ARID4A: variants seen among roughly 807,000 people sequenced by gnomAD.
ARID4A encodes the protein AT-rich interaction domain 4A.
Under a neutral mutation model 148.6 loss-of-function variants are expected in ARID4A, and 39 were observed. The observed-to-expected ratio is 0.26, with a 90% confidence interval of 0.20 to 0.34. The LOEUF is 0.34. Among genes scored for constraint, ARID4A ranks in the 10% least tolerant of loss-of-function variants. The pLI, the probability that ARID4A is intolerant of heterozygous loss-of-function variation, is 1.00. For synonymous variants in ARID4A, 475 were observed against 481.2 expected, an observed-to-expected ratio of 0.99 and a Z score of 0.17; for missense variants, 1,265 against 1,449.1, an observed-to-expected ratio of 0.87 and a Z score of 2.06.
chr14:58,365,532 A>G lies in ARID4A; in HGVS notation c.3226A>G (p.Ser1076Gly), dbSNP rs1778296651. ...ESREKGQKRPSDGNSGLMAKK... is the reference protein window; with the variant it reads ...ESREKGQKRPGDGNSGLMAKK... ...CCTTATTTCAGGTCAGAAGAGGCCA[A>G]GTGATGGAAATAGTGGATTAATGGC... Residue 1076 changes from serine to glycine, a missense_variant, in exon 21 of 24, where the codon AGT becomes GGT. By Grantham distance (56) the Ser-to-Gly change is moderately conservative (BLOSUM62 0). Transcript: ENST00000355431. 6.3e-7 allele frequency: 1 copy of G among 1,583,232 alleles called. No individual in the cohort carries two copies. The highest frequency in any genetic ancestry group is 8.6e-7 in the Non-Finnish European group (1 of 1,163,252).
At chr14:58,331,081 A>C (rs2033490269) in intron 11 of ARID4A, among the ~76,000 whole-genome samples, 1 of 152,218 alleles carries the variant, frequency 6.6e-6, no homozygotes, top group African/African-American at 2.4e-5. Flanking sequence ...ATGAAATGAA[A>C]CGAGTATAGT....
rs2034279141 is a variant in ARID4A at position 58,344,833 on chromosome 14, A to G, written c.979+66A>G. On this transcript the variant is annotated intron_variant, in intron 12 of 23. Transcript: ENST00000355431. ...TCATGTTTACATTCTAGGTATATGCATTGTTTTTGTTAGTATTGCAGATAA... is the reference window on the plus strand; with the variant it reads ...TCATGTTTACATTCTAGGTATATGCGTTGTTTTTGTTAGTATTGCAGATAA... 1.6e-5 allele frequency: 19 copies of G among 1,185,864 alleles called. 1 individual carries two copies. In the South Asian group the frequency reaches 2.4e-4, roughly 15 times the overall value. 73.5% of individuals were successfully genotyped at this position (1,185,864 alleles called of 1,614,324 possible). A position where few individuals can be genotyped will look rare whatever the true frequency, so the allele number is the denominator to read the frequency against.
intron 7 of ARID4A, among the ~76,000 whole-genome samples, chr14:58,319,150 C>T (rs2032673497): frequency 6.6e-6 from 1 of 152,176 alleles, no homozygotes; most frequent in Non-Finnish European, 1.5e-5. Flanking sequence ...ACCTCCGCCT[C>T]CTGGGTTCAA....
intron 7 of ARID4A, among the ~76,000 whole-genome samples, chr14:58,320,097 G>C (rs1049118722): frequency 1.3e-5 from 2 of 151,348 alleles, no homozygotes; most frequent in African/African-American, 4.9e-5. Flanking sequence ...ACAGGCGCGT[G>C]CCACCACGCC....
chr14:58,323,574 G>T lies in ARID4A; in HGVS notation c.539G>T (p.Ser180Ile). The T allele has an allele frequency of 6.2e-7, 1 of 1,614,196 alleles. No homozygotes were observed. The highest frequency in any genetic ancestry group is 1.1e-5 in the South Asian group (1 of 91,088). Reference sequence around the variant, plus strand: ...GATGAATTACTAGGAAAAGTTGTAAGTGTGGTGTCTGCAACGGAGAGGACT... The same window carrying T: ...GATGAATTACTAGGAAAAGTTGTAATTGTGGTGTCTGCAACGGAGAGGACT... ...LNDELLGKVV[S>I]VVSATERTEW... Residue 180 changes from serine to isoleucine, a missense_variant, in exon 8 of 24, where the codon AGT becomes ATT. Ser to Ile is a moderately radical substitution (Grantham distance 142). Transcript: ENST00000355431.
intron 5 of ARID4A, among the ~76,000 whole-genome samples, chr14:58,312,849 A>G (rs1594876582): frequency 6.6e-6 from 1 of 152,216 alleles, no homozygotes; most frequent in South Asian, 2.1e-4. Flanking sequence ...TGTTGTGAGG[A>G]TTAGGACATG....
intron 17 of ARID4A, among the ~76,000 whole-genome samples, chr14:58,354,215 C>G (rs111989946): frequency 5.3e-5 from 8 of 152,190 alleles, no homozygotes; most frequent in Admixed American, 4.6e-4. Flanking sequence ...TCTGTGGAGA[C>G]ATATTACTGA....
At chr14:58,359,034 A>C in intron 17 of ARID4A, 98 bp from the exon 18 acceptor site, 1 of 1,301,704 alleles carries the variant, frequency 7.7e-7, no homozygotes, top group Non-Finnish European at 1.0e-6. Flanking sequence ...AAACTATTTA[A>C]TCTGTCTCAC....
At chr14:58,327,698 G>T (rs985774816) in intron 8 of ARID4A, among the ~76,000 whole-genome samples, 1 of 151,896 alleles carries the variant, frequency 6.6e-6, no homozygotes, top group Admixed American at 6.6e-5. Context: ...TTGAAATGGG[G>T]TCTCATTCTG....
chr14:58,322,840 T>G (rs1373757597), intron 7 of ARID4A, among the ~76,000 whole-genome samples: 1 of 150,910 alleles, frequency 6.6e-6, no homozygotes, highest in African/African-American at 2.4e-5. Flanking sequence ...CATGCGCCTG[T>G]AATCCCAGCT....
At chr14:58,326,094 T>C (rs1239522254) in intron 8 of ARID4A, among the ~76,000 whole-genome samples, 8 of 152,162 alleles carry the variant, frequency 5.3e-5, no homozygotes, top group Non-Finnish European at 1.0e-4. Context: ...GCAGGTGCTT[T>C]TGAGGTGAGC....
At chr14:58,344,604 G>A in intron 11 of ARID4A, 91 bp from the exon 12 acceptor site, 1 of 857,318 alleles carries the variant, frequency 1.2e-6, no homozygotes, top group Non-Finnish European at 1.8e-6. Context: ...ATTAAAATTT[G>A]ATGACTTTAC....
intron 8 of ARID4A, among the ~76,000 whole-genome samples, chr14:58,326,735 A>G (rs1404242514): frequency 1.3e-5 from 2 of 152,216 alleles, no homozygotes; most frequent in Non-Finnish European, 2.9e-5. Context: ...AATAGTTCAT[A>G]GGTAAGGTAA....
chr14:58,320,907 G>A (rs985673650), intron 7 of ARID4A, among the ~76,000 whole-genome samples: 1 of 152,102 alleles, frequency 6.6e-6, no homozygotes, highest in Non-Finnish European at 1.5e-5. Flanking sequence ...ACGCCCAGCC[G>A]ATGACATTGA....
intron 10 of ARID4A, 56 bp from the exon 11 acceptor site, chr14:58,329,947 T>A: frequency 6.5e-7 from 1 of 1,543,466 alleles, no homozygotes; most frequent in Non-Finnish European, 8.7e-7. Context: ...ATGCCTTTTC[T>A]ATTGTTCTAT....
Position 58,310,732 on chromosome 14 carries a change from T to TA in ARID4A, c.274+4622dup, listed in dbSNP as rs2031962440. Among the ~76,000 whole-genome samples the TA allele has an allele frequency of 2.0e-5, 3 of 151,232 alleles. No homozygotes were observed. The East Asian group carries it at 5.8e-4, about 29-fold the overall frequency. On this transcript the variant is annotated intron_variant, in intron 5 of 23. Coordinates refer to ENST00000355431, the MANE Select transcript of ARID4A (RefSeq NM_002892.4). The stretch of plus-strand genomic sequence containing the variant: ...GGGCATTGATTTTTTTTTTTTTTTT[T>TA]AATGACCCCAGAAGCACAGGCAGAA...
At chr14:58,323,408 A>C in intron 7 of ARID4A, 77 bp from the exon 8 acceptor site, 2 of 1,501,216 alleles carry the variant, frequency 1.3e-6, no homozygotes, top group Non-Finnish European at 1.8e-6. Context: ...AATTGAATTG[A>C]CTATATTAAA....
rs57605969 is a variant in ARID4A at position 58,337,246 on chromosome 14, T to TTATA, written c.906+7096_906+7099dup. ...AAATCTCCTAGAACCTTCTCTTTAT[T>TTATA]TATATATATATATATATATATAATT... is the stretch of plus-strand genomic sequence containing the variant. On this transcript the variant is annotated intron_variant, in intron 11 of 23. Coordinates refer to ENST00000355431, the MANE Select transcript of ARID4A (RefSeq NM_002892.4). Among the ~76,000 whole-genome samples, 306 of 83,796 alleles carry TTATA rather than the reference T, an allele frequency of 3.7e-3. 30 individuals are homozygous for TTATA. Among genetic ancestry groups the TTATA allele is most frequent in the East Asian group, 9.4e-3 (30 of 3,188 alleles). 55.0% of individuals were successfully genotyped at this position (83,796 alleles called of 152,430 possible).
chr14:58,357,521 C>T (rs954047867), intron 17 of ARID4A, among the ~76,000 whole-genome samples: 1 of 151,954 alleles, frequency 6.6e-6, no homozygotes, highest in African/African-American at 2.4e-5. Context: ...CTGTGGCCCA[C>T]AAGCCATATG....
Sources: gnomAD v4.1 joint callset for allele counts (sites outside exome capture counted in the v4.1 genomes callset) on GRCh38, gnomAD v4.1.1 for gene constraint, MANE v1.5 for transcripts, NCBI Gene and HGNC (gene_info 2026-07-23, HGNC 2026-07-21) for gene names.